SF3B3: variants seen among roughly 807,000 people sequenced by gnomAD.
The protein encoded by SF3B3 is splicing factor 3b subunit 3.
SF3B3 carries 33 observed loss-of-function variants against 139.2 expected under a neutral mutation model. That is an observed-to-expected ratio of 0.24 (90% CI 0.18 to 0.32). The LOEUF (loss-of-function observed/expected upper bound fraction) is 0.32, where lower values mean the gene tolerates loss of function less well. SF3B3 is among the 10% of genes least tolerant of loss of function. The probability of loss-of-function intolerance (pLI) is 1.00; values close to 1 mark genes in which losing one functional copy is unlikely to be tolerated. For missense variants in SF3B3, 818 were observed against 1,509.4 expected (o/e 0.54, Z 7.59); for synonymous variants, 596 against 563.6 (o/e 1.06, Z -0.81).
Position 70,576,903 on chromosome 16 carries a change from G to T in SF3B3, c.*5090G>T, listed in dbSNP as rs2050586022. 1 of 152,334 alleles carries T rather than the reference G, an allele frequency of 6.6e-6. No individual in the cohort carries two copies. The highest frequency in any genetic ancestry group is 2.4e-5 in the African/African-American group (1 of 41,444). 9.4% of individuals were successfully genotyped at this position (152,334 alleles called of 1,614,324 possible). On this transcript the variant is annotated 3_prime_UTR_variant, in exon 26 of 26. Coordinates refer to ENST00000302516, the MANE Select transcript of SF3B3 (RefSeq NM_012426.5). ...CCAGCACTTTGAGAGGCTGAGGCAG[G>T]AGGATCCCTTGAGCCCAGGAGTTTG...
intron 18 of SF3B3, 43 bp from the exon 19 acceptor site, chr16:70,565,022 C>T (rs376041636): frequency 9.4e-6 from 15 of 1,595,012 alleles, no homozygotes; most frequent in Non-Finnish European, 1.3e-5. Flanking sequence ...CCAGCCCCTA[C>T]CTCTGAGCAC....
At position 70,570,052 on chromosome 16, in the gene SF3B3, TGC is replaced by T; in HGVS notation, c.3312_3313del (p.Gln1105GlufsTer31). The T allele has an allele frequency of 6.2e-7, 1 of 1,614,136 alleles. No individual in the cohort carries two copies. The highest frequency in any genetic ancestry group is 8.5e-7 in the Non-Finnish European group (1 of 1,180,040). ...CATGTCGGGGAGACGGTGCTGTCCT[TGC>T]AGAAGACCACGCTGATCCCTGGAGG... On this transcript the variant is annotated frameshift_variant, in exon 24 of 26. Transcript: ENST00000302516. LOFTEE classifies it high-confidence loss of function.
intron 20 of SF3B3, among the ~76,000 whole-genome samples, chr16:70,566,039 C>G (rs968249838): frequency 6.6e-6 from 1 of 152,050 alleles, no homozygotes; most frequent in African/African-American, 2.4e-5. Context: ...ATCGCTTGAA[C>G]CCGGGAGGCG....
chr16:70,533,402 T>A (rs1023144665), intron 5 of SF3B3, among the ~76,000 whole-genome samples: 3 of 152,102 alleles, frequency 2.0e-5, no homozygotes, highest in Non-Finnish European at 4.4e-5. Context: ...ACTGTGCCGC[T>A]CTCTGAGTCT....
intron 16 of SF3B3, among the ~76,000 whole-genome samples, chr16:70,561,055 C>G (rs970420627): frequency 2.6e-5 from 4 of 151,470 alleles, no homozygotes; most frequent in Non-Finnish European, 5.9e-5. Flanking sequence ...GAGTCTCACT[C>G]TGTCGCCCAG....
At chr16:70,537,061 A>G (rs1169484960) in intron 6 of SF3B3, among the ~76,000 whole-genome samples, 1 of 150,126 alleles carries the variant, frequency 6.7e-6, no homozygotes, top group Non-Finnish European at 1.5e-5. Context: ...TGCCTGCCTC[A>G]GCCTCCCAAA....
chr16:70,568,904 G>A (rs950937193), intron 22 of SF3B3, 139 bp from the exon 23 acceptor site: 22 of 601,670 alleles, frequency 3.7e-5, no homozygotes, highest in African/African-American at 5.6e-5. Context: ...CAGAGCAGGT[G>A]CAGGACACGT....
At chr16:70,553,605 C>T (rs770178519) in intron 11 of SF3B3, among the ~76,000 whole-genome samples, 3 of 152,126 alleles carry the variant, frequency 2.0e-5, no homozygotes, top group Non-Finnish European at 2.9e-5. Flanking sequence ...TTACGCCAAA[C>T]GTACTGGATG....
At position 70,532,638 on chromosome 16, in the gene SF3B3, C is replaced by T; in HGVS notation, c.712+18C>T. The T allele has an allele frequency of 6.2e-7, 1 of 1,612,902 alleles. No homozygotes were observed. The highest frequency in any genetic ancestry group is 8.5e-7 in the Non-Finnish European group (1 of 1,179,050). ...TATTACAGGTACTTTTCTTTCAGAG[C>T]TGCTTTGTACCCTTTTACTTGGTTC... is the stretch of plus-strand genomic sequence containing the variant. On this transcript the variant is annotated intron_variant, in intron 5 of 25. Coordinates refer to ENST00000302516, the MANE Select transcript of SF3B3 (RefSeq NM_012426.5).
At chr16:70,535,766 A>G (rs192990475) in intron 6 of SF3B3, among the ~76,000 whole-genome samples, 1 of 151,222 alleles carries the variant, frequency 6.6e-6, no homozygotes, top group African/African-American at 2.4e-5. Flanking sequence ...TTTTTTTTCC[A>G]ACATTTTTAT....
In SF3B3 at chr16:70,562,731, A is replaced by G. The variant is rs569841245; in HGVS notation, c.2288+947A>G. Among the ~76,000 whole-genome samples, 34 of 152,354 alleles carry G rather than the reference A, an allele frequency of 2.2e-4. No individual in the cohort carries two copies. In the South Asian group the frequency reaches 5.4e-3, roughly 24 times the overall value. Reference sequence around the variant, plus strand: ...ATTTTTAGGCTTTCCTAGCAGCAGAACTTACTTCCCCCCAAAACTAAATCA... The same window carrying G: ...ATTTTTAGGCTTTCCTAGCAGCAGAGCTTACTTCCCCCCAAAACTAAATCA... On this transcript the variant is annotated intron_variant, in intron 17 of 25. Coordinates refer to ENST00000302516, the MANE Select transcript of SF3B3 (RefSeq NM_012426.5).
At position 70,576,209 on chromosome 16, in the gene SF3B3, A is replaced by G. The variant is rs1336861286; in HGVS notation, c.*4396A>G. On this transcript the variant is annotated 3_prime_UTR_variant, in exon 26 of 26. Transcript: ENST00000302516. Reference sequence around the variant, plus strand: ...TGCTTGTTCAAAATGAAGAAAAAAAATATCAAAGAAAACCAGGTTTGGAAG... The same window carrying G: ...TGCTTGTTCAAAATGAAGAAAAAAAGTATCAAAGAAAACCAGGTTTGGAAG... The G allele has an allele frequency of 6.6e-6, 1 of 152,224 alleles. No homozygotes were observed. Among genetic ancestry groups the G allele is most frequent in the African/African-American group, 2.4e-5 (1 of 41,448 alleles). The allele number at this position is 152,224 out of a possible 1,614,324, so 9.4% of individuals were successfully genotyped here.
chr16:70,560,132 T>G (rs2050415709), intron 15 of SF3B3, among the ~76,000 whole-genome samples: 1 of 152,200 alleles, frequency 6.6e-6, no homozygotes, highest in South Asian at 2.1e-4. Context: ...GGAAATGCTG[T>G]TTAGGGACCA....
At chr16:70,541,283 G>T (rs192644744) in intron 8 of SF3B3, among the ~76,000 whole-genome samples, 34 of 152,172 alleles carry the variant, frequency 2.2e-4, no homozygotes, top group African/African-American at 6.7e-4. Flanking sequence ...CATTTTTTAA[G>T]AGTTGTCTTT....
At chr16:70,550,592 T>C in intron 11 of SF3B3, 2 of 918,600 alleles carry the variant, frequency 2.2e-6, no homozygotes, top group Non-Finnish European at 2.6e-6. Context: ...AATACTAACC[T>C]TGGCTGGTAC....
chr16:70,553,309 C>A (rs903746371), intron 11 of SF3B3, among the ~76,000 whole-genome samples: 1 of 151,844 alleles, frequency 6.6e-6, no homozygotes, highest in Non-Finnish European at 1.5e-5. Flanking sequence ...AGCTGAACCT[C>A]ATTTGAAGTC....
chr16:70,527,436 C>T (rs888191991), intron 2 of SF3B3, among the ~76,000 whole-genome samples: 1 of 152,136 alleles, frequency 6.6e-6, no homozygotes, highest in African/African-American at 2.4e-5. Context: ...TAGAGTAAGA[C>T]ATAATTTTGT....
intron 3 of SF3B3, chr16:70,529,406 C>A (rs1203920481): frequency 5.4e-6 from 3 of 557,502 alleles, no homozygotes; most frequent in Non-Finnish European, 9.5e-6. Flanking sequence ...TTTCTACTTC[C>A]CATCTAGTTG....
rs375289807 is a variant in SF3B3 at position 70,569,192 on chromosome 16, G to A, written c.3264+51G>A. On this transcript the variant is annotated intron_variant, in intron 23 of 25. Transcript: ENST00000302516. ...GAGAACACTGCTTAGCACTTTTCCT[G>A]TTGCCCTCACTGAAGAAATTGCCTT... 1.1e-5 allele frequency: 15 copies of A among 1,320,850 alleles called. No homozygotes were observed. In the African/African-American group the frequency reaches 1.9e-4, roughly 17 times the overall value. The allele number at this position is 1,320,850 out of a possible 1,614,324, so 81.8% of individuals were successfully genotyped here.
Sources: gnomAD v4.1 joint callset for allele counts (sites outside exome capture counted in the v4.1 genomes callset) on GRCh38, gnomAD v4.1.1 for gene constraint, MANE v1.5 for transcripts, NCBI Gene and HGNC (gene_info 2026-07-23, HGNC 2026-07-21) for gene names.